The following PCDH15 variants were observed in gnomAD, a reference collection of about 807,000 sequenced individuals.
The protein encoded by PCDH15 is protocadherin related 15, also known as protocadherin-15.
Under a neutral mutation model 178.5 loss-of-function variants are expected in PCDH15, and 129 were observed. That is an observed-to-expected ratio of 0.72 (90% CI 0.63 to 0.84). The LOEUF (loss-of-function observed/expected upper bound fraction) is 0.84. Ranked by LOEUF, PCDH15 falls within the 40% of genes least tolerant of loss-of-function variation. The pLI is 0.00. For missense variants in PCDH15, 2,230 were observed against 2,099.9 expected (o/e 1.06, Z -1.21); for synonymous variants, 800 against 732.0 (o/e 1.09, Z -1.50).
rs369151106 is a variant in PCDH15 at position 53,920,147 on chromosome 10, C to CT, written c.3374-16778dup. Among the ~76,000 whole-genome samples, 421 of 152,186 alleles carry CT rather than the reference C, an allele frequency of 2.8e-3. 2 individuals carry two copies. The highest frequency in any genetic ancestry group is 9.4e-3 in the African/African-American group (391 of 41,532). ...TCTATAAAGTTGAGGACTTTTTCAT[C>CT]TTGCACAAGGCGGTTGAATACAAGG... On this transcript the variant is annotated intron_variant, in intron 25 of 37. Transcript: ENST00000644397.
At chr10:55,499,793 T>C (rs1589084949) in intron 2 of PCDH15, among the ~76,000 whole-genome samples, 1 of 151,750 alleles carries the variant, frequency 6.6e-6, no homozygotes, top group Admixed American at 6.6e-5. Flanking sequence ...AATGTATGAT[T>C]TAAATTAATA....
chr10:54,717,071 A>C (rs1352100213), intron 1 of PCDH15, among the ~76,000 whole-genome samples: 4 of 147,880 alleles, frequency 2.7e-5, no homozygotes, highest in Admixed American at 2.0e-4. Flanking sequence ...AGAAAGCTGA[A>C]ACTGGATCCC....
chr10:55,357,853 C>A (rs180795974), intron 2 of PCDH15, among the ~76,000 whole-genome samples: 162 of 152,150 alleles, frequency 1.1e-3, no homozygotes, highest in Non-Finnish European at 2.0e-3. Flanking sequence ...TGCCCCCATA[C>A]ATTTCAGTGT....
chr10:55,201,442 G>A (rs1046664227), intron 1 of PCDH15, among the ~76,000 whole-genome samples: 1 of 152,108 alleles, frequency 6.6e-6, no homozygotes. Flanking sequence ...TATTGCTAAT[G>A]ATTTATTATA....
rs947826570 is a variant in PCDH15, at chr10:54,185,254, C to T, written c.1320G>A (p.Glu440=). ...DKDIEDTKDP[E]LHLFLNDYTS... ...TGTAGTCATTCAGAAAAAGGTGAAG[C>T]TCTGGGTCTTTTGTCTTTGAAAAAA... The change falls in exon 12 of 38, where the codon GAG becomes GAA. Residue 440 remains glutamate, a synonymous_variant. Transcript: ENST00000644397. The T allele has an allele frequency of 4.3e-6, 7 of 1,613,272 alleles. No homozygotes were observed. The Admixed American group carries it at 5.0e-5, about 12-fold the overall frequency.
intron 2 of PCDH15, among the ~76,000 whole-genome samples, chr10:55,043,204 T>C (rs1840911916): frequency 6.6e-6 from 1 of 152,016 alleles, no homozygotes; most frequent in Non-Finnish European, 1.5e-5. Flanking sequence ...TGGAAGCCAA[T>C]AAATTTCCAT....
chr10:54,302,625 C>A (rs2060208854), intron 8 of PCDH15, among the ~76,000 whole-genome samples: 2 of 152,118 alleles, frequency 1.3e-5, no homozygotes, highest in South Asian at 4.1e-4. Flanking sequence ...ACCTCCAGAA[C>A]TGTCAGAAAT....
chr10:54,013,069 C>T (rs144669391), intron 20 of PCDH15, among the ~76,000 whole-genome samples: 5 of 151,874 alleles, frequency 3.3e-5, no homozygotes, highest in African/African-American at 1.2e-4. Flanking sequence ...GAGAAAAGTC[C>T]ACCAAGAAAA....
intron 2 of PCDH15, among the ~76,000 whole-genome samples, chr10:54,634,753 A>G (rs4935530): frequency 0.14 from 21,911 of 152,032 alleles, 1,945 homozygotes; most frequent in Middle Eastern, 0.22. Flanking sequence ...ATATATTAAA[A>G]CAAGCATTTT....
intron 2 of PCDH15, chr10:54,528,411 A>G: frequency 6.4e-7 from 1 of 1,572,830 alleles, no homozygotes; most frequent in Non-Finnish European, 8.6e-7. Flanking sequence ...GTCTGGAGTC[A>G]AAAGTATAGA....
At chr10:55,183,369 ATC>A (rs1341450194) in intron 1 of PCDH15, among the ~76,000 whole-genome samples, 1 of 151,962 alleles carries the variant, frequency 6.6e-6, no homozygotes, top group Non-Finnish European at 1.5e-5. Flanking sequence ...GAAATAAAAA[ATC>A]TGAGATAAGT....
chr10:54,286,395 G>A (rs2059027057), intron 8 of PCDH15, among the ~76,000 whole-genome samples: 1 of 151,884 alleles, frequency 6.6e-6, no homozygotes, highest in African/African-American at 2.4e-5. Context: ...TTGGCTCCTA[G>A]ACACCTGATT....
intron 2 of PCDH15, among the ~76,000 whole-genome samples, chr10:54,958,782 A>G (rs1380666897): frequency 6.6e-6 from 1 of 151,636 alleles, no homozygotes; most frequent in Non-Finnish European, 1.5e-5. Context: ...AAAATACCCC[A>G]CTCTCCAAAA....
intron 2 of PCDH15, among the ~76,000 whole-genome samples, chr10:55,143,185 C>G (rs1362155710): frequency 7.4e-6 from 1 of 135,802 alleles, no homozygotes; most frequent in Non-Finnish European, 1.6e-5. Flanking sequence ...CCATATTGAA[C>G]TCTGAGTCAA....
chr10:54,600,474 A>G, intron 2 of PCDH15: 1 of 577,624 alleles, frequency 1.7e-6, no homozygotes, highest in East Asian at 4.5e-5. Flanking sequence ...GGGATGATAA[A>G]AATGAAGATA....
chr10:55,478,993 A>G (rs1292924070), intron 2 of PCDH15, among the ~76,000 whole-genome samples: 1 of 150,998 alleles, frequency 6.6e-6, no homozygotes, highest in Non-Finnish European at 1.5e-5. Context: ...TAAATCAGTA[A>G]CAAAGAGTCT....
intron 2 of PCDH15, among the ~76,000 whole-genome samples, chr10:55,159,301 T>C (rs1009421098): frequency 4.0e-5 from 6 of 149,632 alleles, no homozygotes; most frequent in African/African-American, 1.5e-4. Flanking sequence ...TATAGTTATA[T>C]ATATATCTCT....
At chr10:55,176,211 T>G (rs144879039) in intron 1 of PCDH15, among the ~76,000 whole-genome samples, 1 of 152,252 alleles carries the variant, frequency 6.6e-6, no homozygotes, top group Admixed American at 6.5e-5. Flanking sequence ...AGTACGACCA[T>G]GAGGGGTGTC....
chr10:53,994,310 T>G (rs776713751), intron 21 of PCDH15, among the ~76,000 whole-genome samples: 13 of 152,198 alleles, frequency 8.5e-5, no homozygotes, highest in Non-Finnish European at 1.5e-4. Context: ...AACTCTATAT[T>G]AAATTCTGTG....
Sources: allele counts gnomAD v4.1 joint callset (sites outside exome capture counted in the v4.1 genomes callset), GRCh38; gene constraint gnomAD v4.1.1; transcripts MANE v1.5; gene names NCBI Gene and HGNC (gene_info 2026-07-23, HGNC 2026-07-21).